BZW2: variants seen among roughly 807,000 people sequenced by gnomAD.
The protein encoded by BZW2 is basic leucine zipper and W2 domains 2.
Under a neutral mutation model 53.2 loss-of-function variants are expected in BZW2, and 23 were observed. The ratio of observed to expected loss-of-function variants is 0.43; its 90% CI spans 0.31 to 0.61. The LOEUF is 0.61. Ranked by LOEUF, BZW2 falls within the 20% of genes least tolerant of loss-of-function variation. BZW2 has a pLI of 0.09. For synonymous variants in BZW2, 227 were observed against 186.4 expected, an observed-to-expected ratio of 1.22 and a Z score of -1.77; for missense variants, 409 against 503.1, an observed-to-expected ratio of 0.81 and a Z score of 1.79.
intron 3 of BZW2, among the ~76,000 whole-genome samples, chr7:16,678,201 C>T (rs767373506): frequency 2.0e-5 from 3 of 148,726 alleles, no homozygotes; most frequent in Admixed American, 6.8e-5. Context: ...GGATTACAGG[C>T]GTGTGCCGGC....
intron 10 of BZW2, 175 bp downstream of exon 10, chr7:16,698,361 A>G (rs1783569041): frequency 6.0e-6 from 5 of 832,162 alleles, no homozygotes; most frequent in Admixed American, 2.3e-5. Context: ...GGAGGCATAC[A>G]CGCCATATAT....
intron 1 of BZW2, among the ~76,000 whole-genome samples, chr7:16,664,720 T>C (rs1444314145): frequency 2.0e-5 from 3 of 152,242 alleles, no homozygotes; most frequent in Non-Finnish European, 4.4e-5. Context: ...TGTTCCATTT[T>C]TTATGTATAC....
intron 11 of BZW2, 70 bp from the exon 12 acceptor site, chr7:16,705,990 A>T: frequency 6.4e-7 from 1 of 1,571,944 alleles, no homozygotes. Context: ...TGGGTTGGTG[A>T]CTGTAGTAAC....
intron 1 of BZW2, among the ~76,000 whole-genome samples, chr7:16,656,555 G>GCACACA (rs376412401): frequency 0.015 from 2,183 of 141,256 alleles, 43 homozygotes; most frequent in African/African-American, 0.045. Context: ...GCGCGCGCGC[G>GCACACA]CACACACACA....
At position 16,682,777 on chromosome 7, in the gene BZW2, T is replaced by C; in HGVS notation, c.340-3T>C. 2 of 1,551,824 alleles carry C rather than the reference T, an allele frequency of 1.3e-6. No individual in the cohort carries two copies. The highest frequency in any genetic ancestry group is 1.7e-6 in the Non-Finnish European group (2 of 1,147,320). On this transcript the variant is annotated splice_region_variant and splice_polypyrimidine_tract_variant and intron_variant, in intron 4 of 11. Coordinates refer to ENST00000258761, the MANE Select transcript of BZW2 (RefSeq NM_014038.3). ...TAATATTTAATGGTTGTTTTTTTTT[T>C]AGGTCTTCAATAAACTCATCAGGAG...
At chr7:16,653,095 G>A (rs1782028257) in intron 1 of BZW2, among the ~76,000 whole-genome samples, 2 of 151,984 alleles carry the variant, frequency 1.3e-5, no homozygotes, top group South Asian at 2.1e-4. Flanking sequence ...AGACAGGCTT[G>A]GGCAGGTCCC....
At chr7:16,684,036 G>C (rs1783038923) in intron 5 of BZW2, among the ~76,000 whole-genome samples, 1 of 152,188 alleles carries the variant, frequency 6.6e-6, no homozygotes, top group South Asian at 2.1e-4. Flanking sequence ...TATGTATGAA[G>C]ATGTCACCAC....
At position 16,674,413 on chromosome 7, in the gene BZW2, T is replaced by A. The variant is rs1782704668; in HGVS notation, c.60T>A (p.Asp20Glu). ...TGQRFKTRKR[D>E]EKEKFEPTVF... ...TTATTTTGAATTGTTTTATTTTAGA[T>A]GAAAAAGAGAAATTCGAACCCACAG... Residue 20 changes from aspartate to glutamate, a missense_variant and splice_region_variant, in exon 3 of 12, where the codon GAT becomes GAA. Asp to Glu is a conservative substitution (Grantham distance 45). Transcript: ENST00000258761. 6.3e-7 allele frequency: 1 copy of A among 1,581,288 alleles called. No homozygotes were observed. Among genetic ancestry groups the A allele is most frequent in the Non-Finnish European group, 8.6e-7 (1 of 1,164,276 alleles).
intron 10 of BZW2, among the ~76,000 whole-genome samples, chr7:16,699,673 A>G (rs1562498675): frequency 6.6e-6 from 1 of 152,136 alleles, no homozygotes; most frequent in African/African-American, 2.4e-5. Flanking sequence ...ACCCTATCGT[A>G]TTATTGTAAT....
At chr7:16,671,947 A>AAAAAAAAAAAAAAC (rs1782615145) in intron 2 of BZW2, among the ~76,000 whole-genome samples, 1 of 151,018 alleles carries the variant, frequency 6.6e-6, no homozygotes, top group Admixed American at 6.6e-5. Context: ...AAAAAAAAAA[A>AAAAAAAAAAAAAAC]TCGGAACACT....
intron 1 of BZW2, among the ~76,000 whole-genome samples, chr7:16,662,624 A>C (rs1782299990): frequency 6.6e-6 from 1 of 150,614 alleles, no homozygotes; most frequent in African/African-American, 2.4e-5. Context: ...TACAAATTAA[A>C]AACCATTTTT....
chr7:16,660,644 A>G (rs1208295370), intron 1 of BZW2, among the ~76,000 whole-genome samples: 2 of 152,168 alleles, frequency 1.3e-5, no homozygotes, highest in African/African-American at 4.8e-5. Flanking sequence ...AGAATTGCAC[A>G]GCCTAACATA....
At chr7:16,697,143 G>A (rs894511186) in intron 9 of BZW2, 82 bp downstream of exon 9, 12 of 1,482,688 alleles carry the variant, frequency 8.1e-6, no homozygotes, top group Admixed American at 2.2e-5. Context: ...GTTTGAGAGT[G>A]CAGTGGCACG....
At chr7:16,682,399 A>T (rs1782976376) in intron 4 of BZW2, among the ~76,000 whole-genome samples, 2 of 152,164 alleles carry the variant, frequency 1.3e-5, no homozygotes, top group Admixed American at 1.3e-4. Flanking sequence ...CTAGAGTAGA[A>T]TCTGTCCTGC....
At chr7:16,685,691 G>A (rs1244426110) in intron 5 of BZW2, among the ~76,000 whole-genome samples, 1 of 151,880 alleles carries the variant, frequency 6.6e-6, no homozygotes, top group Non-Finnish European at 1.5e-5. Flanking sequence ...AATTAACTGA[G>A]AAGAAAGGAA....
intron 3 of BZW2, 101 bp downstream of exon 3, chr7:16,674,689 AG>A: frequency 4.7e-6 from 5 of 1,069,874 alleles, no homozygotes; most frequent in Non-Finnish European, 6.2e-6. Context: ...TATGTTTATT[AG>A]AGTTAATAAA....
At chr7:16,676,521 A>G (rs146015951) in intron 3 of BZW2, among the ~76,000 whole-genome samples, 273 of 152,282 alleles carry the variant, frequency 1.8e-3, no homozygotes, top group African/African-American at 6.0e-3. Context: ...GCGATCTTCA[A>G]AAGGAACATT....
At chr7:16,661,511 G>C (rs142183926) in intron 1 of BZW2, among the ~76,000 whole-genome samples, 15 of 152,116 alleles carry the variant, frequency 9.9e-5, no homozygotes, top group African/African-American at 3.6e-4. Context: ...AACAGACTGA[G>C]GTAGGTAACA....
chr7:16,659,025 G>A (rs891602200), intron 1 of BZW2, among the ~76,000 whole-genome samples: 1 of 150,950 alleles, frequency 6.6e-6, no homozygotes, highest in Non-Finnish European at 1.5e-5. Context: ...AATTTGGGAG[G>A]CTGAGGCAGG....
Sources: allele counts gnomAD v4.1 joint callset (sites outside exome capture counted in the v4.1 genomes callset), GRCh38; gene constraint gnomAD v4.1.1; transcripts MANE v1.5; gene names NCBI Gene and HGNC (gene_info 2026-07-23, HGNC 2026-07-21).